Variants in RANBP17 observed in about 807,000 individuals in gnomAD.
The protein encoded by RANBP17 is RAN binding protein 17.
A neutral mutation model predicts 141.2 loss-of-function variants in RANBP17; 158 were observed. The observed-to-expected ratio is 1.12, with a 90% confidence interval of 0.98 to 1.28. The LOEUF is 1.28. RANBP17 is among the 50% of genes most tolerant of loss of function. RANBP17 has a pLI of 0.00. For synonymous variants in RANBP17, 430 were observed against 450.0 expected, an observed-to-expected ratio of 0.96 and a Z score of 0.56; for missense variants, 1,438 against 1,290.7, an observed-to-expected ratio of 1.11 and a Z score of -1.75.
intron 12 of RANBP17, among the ~76,000 whole-genome samples, chr5:170,950,563 AT>A (rs1439528682): frequency 6.6e-6 from 1 of 152,160 alleles, no homozygotes; most frequent in Non-Finnish European, 1.5e-5. Context: ...CAGAATGATT[AT>A]TATTAAACAG....
chr5:171,272,921 C>T (rs925060693), intron 25 of RANBP17, among the ~76,000 whole-genome samples: 9 of 152,134 alleles, frequency 5.9e-5, no homozygotes, highest in African/African-American at 1.2e-4. Flanking sequence ...CACTTTCTTA[C>T]GCTACACCCA....
intron 14 of RANBP17, among the ~76,000 whole-genome samples, chr5:171,096,528 A>G (rs1349592809): frequency 6.6e-6 from 1 of 152,206 alleles, no homozygotes; most frequent in Non-Finnish European, 1.5e-5. Flanking sequence ...AAGGAATAAA[A>G]TGTGCAAATT....
intron 24 of RANBP17, among the ~76,000 whole-genome samples, chr5:171,262,462 A>G (rs1488419164): frequency 6.6e-6 from 1 of 152,228 alleles, no homozygotes; most frequent in Non-Finnish European, 1.5e-5. Context: ...GTTATTGATT[A>G]ATCAATCAAA....
At chr5:171,136,874 A>G (rs935211131) in intron 14 of RANBP17, among the ~76,000 whole-genome samples, 8 of 152,122 alleles carry the variant, frequency 5.3e-5, no homozygotes, top group African/African-American at 1.9e-4. Context: ...GTTGTAGGAA[A>G]TCTTATCCCT....
At chr5:171,253,749 G>A (rs2128006675) in intron 24 of RANBP17, among the ~76,000 whole-genome samples, 1 of 152,270 alleles carries the variant, frequency 6.6e-6, no homozygotes, top group South Asian at 2.1e-4. Flanking sequence ...AGTTTAAGTA[G>A]TCCTTTTGTT....
At chr5:171,013,237 T>G (rs942137054) in intron 14 of RANBP17, among the ~76,000 whole-genome samples, 7 of 152,162 alleles carry the variant, frequency 4.6e-5, no homozygotes, top group African/African-American at 1.7e-4. Flanking sequence ...CCCAAACTGC[T>G]GCTTTCAGCC....
In RANBP17 at chr5:171,089,233, G is replaced by C. The variant is rs936304771; in HGVS notation, c.1711-80897G>C. On this transcript the variant is annotated intron_variant, in intron 14 of 27. Transcript: ENST00000523189. ...ATACCCTGCAGTGTGAGGTGTCAGTGTGCCCCTGCTGGGGGGGGCCTCCCA... is the reference window on the plus strand; with the variant it reads ...ATACCCTGCAGTGTGAGGTGTCAGTCTGCCCCTGCTGGGGGGGGCCTCCCA... Among the ~76,000 whole-genome samples the C allele has an allele frequency of 4.1e-4, 46 of 113,456 alleles. 2 individuals are homozygous for C. The highest frequency in any genetic ancestry group is 1.2e-3 in the South Asian group (3 of 2,436). The allele number at this position is 113,456 out of a possible 152,430, so 74.4% of individuals were successfully genotyped here. A position where few individuals can be genotyped will look rare whatever the true frequency, so the allele number is the denominator to read the frequency against.
At chr5:171,105,723 GAAAA>G (rs34497482) in intron 14 of RANBP17, among the ~76,000 whole-genome samples, 2 of 148,822 alleles carry the variant, frequency 1.3e-5, no homozygotes, top group African/African-American at 5.0e-5. Flanking sequence ...GTCTCAAAAA[GAAAA>G]AAAAAAATTT....
chr5:171,003,055 T>C (rs778279090), intron 14 of RANBP17, among the ~76,000 whole-genome samples: 3 of 152,134 alleles, frequency 2.0e-5, no homozygotes, highest in Non-Finnish European at 2.9e-5. Flanking sequence ...GAGCATAGTT[T>C]GTGATTTTGA....
intron 14 of RANBP17, among the ~76,000 whole-genome samples, chr5:171,035,729 CTTTT>C (rs1781831017): frequency 1.4e-5 from 1 of 72,396 alleles, no homozygotes; most frequent in African/African-American, 5.2e-5. Flanking sequence ...CTGTTTGTTT[CTTTT>C]TTTGTTTTTT....
At chr5:171,210,253 G>C (rs1762798223) in intron 20 of RANBP17, among the ~76,000 whole-genome samples, 1 of 152,002 alleles carries the variant, frequency 6.6e-6, no homozygotes, top group Non-Finnish European at 1.5e-5. Flanking sequence ...CTGTAATTGA[G>C]CCTGGCACTC....
chr5:171,214,996 C>T (rs922275172), intron 21 of RANBP17, among the ~76,000 whole-genome samples: 3 of 152,070 alleles, frequency 2.0e-5, no homozygotes, highest in African/African-American at 7.2e-5. Flanking sequence ...CCCAACCCAT[C>T]ACCTAGGTTT....
chr5:171,133,274 G>A (rs1426861448), intron 14 of RANBP17, among the ~76,000 whole-genome samples: 1 of 152,108 alleles, frequency 6.6e-6, no homozygotes, highest in Non-Finnish European at 1.5e-5. Context: ...CATATTATTT[G>A]CTTATATCTG....
At chr5:170,947,128 G>A (rs1774832591) in intron 12 of RANBP17, among the ~76,000 whole-genome samples, 1 of 151,990 alleles carries the variant, frequency 6.6e-6, no homozygotes, top group African/African-American at 2.4e-5. Context: ...GAGTATTATT[G>A]GAGAAGTTGC....
intron 14 of RANBP17, among the ~76,000 whole-genome samples, chr5:171,124,810 G>A (rs1211376423): frequency 2.0e-5 from 3 of 151,962 alleles, no homozygotes; most frequent in East Asian, 1.9e-4. Flanking sequence ...CAGAACAAAC[G>A]ATATACAAAA....
chr5:170,987,785 T>C (rs2127560202), intron 14 of RANBP17, among the ~76,000 whole-genome samples: 1 of 151,832 alleles, frequency 6.6e-6, no homozygotes, highest in South Asian at 2.1e-4. Context: ...CATTAAGCAC[T>C]AGACGAGGAT....
chr5:170,924,361 C>G lies in RANBP17; in HGVS notation c.1279C>G (p.His427Asp), dbSNP rs1241616836. ...AAACTTATTCTGTGTTTGCAGAGATCACTTAGATGATCCACTGGATGATAC... is the reference window on the plus strand; with the variant it reads ...AAACTTATTCTGTGTTTGCAGAGATGACTTAGATGATCCACTGGATGATAC... ...LDSVAIVVRDHLDDPLDDTAT... is the reference protein window; with the variant it reads ...LDSVAIVVRDDLDDPLDDTAT... The change falls in exon 12 of 28, where the codon CAC becomes GAC. Residue 427 changes from histidine (H) to aspartate (D), a missense_variant. Physicochemically the swap from His to Asp is moderately conservative, Grantham distance 81. Coordinates refer to ENST00000523189, the MANE Select transcript of RANBP17 (RefSeq NM_022897.5). The G allele has an allele frequency of 2.5e-6, 4 of 1,580,326 alleles. No homozygotes were observed. In the African/African-American group the frequency reaches 4.0e-5, roughly 16 times the overall value.
At chr5:170,978,513 G>T (rs1377991634) in intron 14 of RANBP17, among the ~76,000 whole-genome samples, 1 of 151,788 alleles carries the variant, frequency 6.6e-6, no homozygotes, top group Non-Finnish European at 1.5e-5. Flanking sequence ...ACTATACAAC[G>T]ATTTAAAAAA....
At chr5:171,187,348 A>G (rs866065137) in intron 18 of RANBP17, among the ~76,000 whole-genome samples, 2 of 152,334 alleles carry the variant, frequency 1.3e-5, no homozygotes, top group South Asian at 2.1e-4. Flanking sequence ...AATTATCAAA[A>G]TGTGGCCCAG....
Sources: allele counts gnomAD v4.1 joint callset (sites outside exome capture counted in the v4.1 genomes callset), GRCh38; gene constraint gnomAD v4.1.1; transcripts MANE v1.5; gene names NCBI Gene and HGNC (gene_info 2026-07-23, HGNC 2026-07-21).